The following ENOSF1 variants were observed in gnomAD, a reference collection of about 807,000 sequenced individuals.
The protein encoded by ENOSF1 is enolase superfamily member 1, also known as mitochondrial enolase superfamily member 1.
In ENOSF1, 73 loss-of-function variants were observed where a neutral mutation model predicts 68.2. The observed-to-expected ratio is 1.07, with a 90% CI of 0.89 to 1.30. The LOEUF is 1.30. Ranked by LOEUF, ENOSF1 falls within the 50% of genes most tolerant of loss-of-function variation. The pLI, the probability that ENOSF1 is intolerant of heterozygous loss-of-function variation, is 0.00. For missense variants in ENOSF1, 589 were observed against 554.5 expected (o/e 1.06, Z -0.62); for synonymous variants, 223 against 210.4 (o/e 1.06, Z -0.52).
At chr18:701,515 G>C (rs1309008313) in intron 2 of ENOSF1, among the ~76,000 whole-genome samples, 1 of 152,180 alleles carries the variant, frequency 6.6e-6, no homozygotes, top group African/African-American at 2.4e-5. Context: ...AGCACTTTGG[G>C]AGGTCAAGGC....
intron 9 of ENOSF1, chr18:687,140 T>A (rs1024398503): frequency 6.6e-6 from 1 of 152,226 alleles, no homozygotes; most frequent in East Asian, 1.9e-4. Context: ...AAAGCTCATA[T>A]TATTTCTACT....
chr18:703,523 GA>G (rs2078599707), intron 2 of ENOSF1, among the ~76,000 whole-genome samples: 2 of 152,186 alleles, frequency 1.3e-5, no homozygotes, highest in Admixed American at 6.5e-5. Flanking sequence ...AGAAGAAGCA[GA>G]AACAGCTCAC....
chr18:700,913 A>AAAG (rs2078276147), intron 2 of ENOSF1, among the ~76,000 whole-genome samples: 1 of 148,192 alleles, frequency 6.7e-6, no homozygotes. Flanking sequence ...AAAAAAAAAA[A>AAAG]ACAAGAGAAA....
chr18:699,346 G>A (rs907046608), intron 2 of ENOSF1, among the ~76,000 whole-genome samples: 2 of 151,878 alleles, frequency 1.3e-5, no homozygotes, highest in Admixed American at 6.6e-5. Flanking sequence ...TGTGGTCCCC[G>A]CCTCTCGGGA....
rs924355848 is a variant in ENOSF1 at position 690,489 on chromosome 18, G to A, written c.618+60C>T. The A allele has an allele frequency of 1.7e-5, 27 of 1,592,264 alleles. No individual in the cohort carries two copies. In the African/African-American group the frequency reaches 3.0e-4, roughly 17 times the overall value. On this transcript the variant is annotated intron_variant, in intron 8 of 15. Transcript: ENST00000647584. ...TGAGAGTAGTGGTATGAGGACAGAA[G>A]GAAAAACAGGTTGGTTTCTCCCCAT...
At chr18:689,504 A>C (rs2076942075) in intron 8 of ENOSF1, among the ~76,000 whole-genome samples, 1 of 152,030 alleles carries the variant, frequency 6.6e-6, no homozygotes, top group African/African-American at 2.4e-5. Flanking sequence ...CTGGTTTTGA[A>C]CTTCTGACCT....
Position 673,503 on chromosome 18 carries a change from G to A in ENOSF1, c.*802C>T, listed in dbSNP as rs562692686. 6.0e-5 allele frequency: 12 copies of A among 201,460 alleles called. No homozygotes were observed. The South Asian group carries it at 2.1e-3, about 35-fold the overall frequency. 12.5% of individuals were successfully genotyped at this position (201,460 alleles called of 1,614,324 possible). A position where few individuals can be genotyped will look rare whatever the true frequency, so the allele number is the denominator to read the frequency against. The stretch of plus-strand genomic sequence containing the variant: ...AAAGAAGTGTTCTGCATTCGTCCAC[G>A]CTTTGTTCATTCTGTACTGCCACTT... On this transcript the variant is annotated 3_prime_UTR_variant, in exon 16 of 16. Coordinates refer to ENST00000647584, the MANE Select transcript of ENOSF1 (RefSeq NM_017512.7).
intron 2 of ENOSF1, among the ~76,000 whole-genome samples, chr18:703,272 AC>A (rs1268177209): frequency 6.6e-6 from 1 of 152,054 alleles, no homozygotes; most frequent in African/African-American, 2.4e-5. Context: ...TGAGCTCAGC[AC>A]CCATCCCAGA....
chr18:694,008 AC>A, intron 4 of ENOSF1, 100 bp from the exon 5 acceptor site: 1 of 1,369,120 alleles, frequency 7.3e-7, no homozygotes, highest in Non-Finnish European at 1.0e-6. Context: ...GCTGTCAGCC[AC>A]CAGGTCCCCA....
intron 2 of ENOSF1, among the ~76,000 whole-genome samples, chr18:702,448 A>T (rs771353834): frequency 3.0e-4 from 46 of 151,680 alleles, no homozygotes; most frequent in Non-Finnish European, 5.9e-4. Context: ...GGTGGCACAC[A>T]TCTGTAGTCC....
chr18:674,744 A>C lies in ENOSF1; in HGVS notation c.1231-338T>G, dbSNP rs543163937. ...CATGTTGGCCAGGCTGGTCTCAAACACCTGACCTCAAATGATCCACCTGCC... is the reference window on the plus strand; with the variant it reads ...CATGTTGGCCAGGCTGGTCTCAAACCCCTGACCTCAAATGATCCACCTGCC... On this transcript the variant is annotated intron_variant, in intron 15 of 15. Transcript: ENST00000647584. Among the ~76,000 whole-genome samples, 22 of 152,072 alleles carry C rather than the reference A, an allele frequency of 1.4e-4. No homozygotes were observed. The South Asian group carries it at 4.6e-3, about 32-fold the overall frequency.
chr18:688,451 T>A, intron 9 of ENOSF1, 123 bp downstream of exon 9: 1 of 1,294,906 alleles, frequency 7.7e-7, no homozygotes, highest in South Asian at 1.3e-5. Context: ...TATGCATCCC[T>A]ATGAGCCAGG....
Position 688,696 on chromosome 18 carries a change from A to G in ENOSF1, c.619-88T>C, listed in dbSNP as rs543233966. ...GTCATTGCTGATCTGTTTCACAAGC[A>G]TTACGGTTATAGCATAGACCAGAGT... On this transcript the variant is annotated intron_variant, in intron 8 of 15. Coordinates refer to ENST00000647584, the MANE Select transcript of ENOSF1 (RefSeq NM_017512.7). 1.6e-4 allele frequency: 195 copies of G among 1,199,320 alleles called. 3 individuals carry two copies. The South Asian group carries it at 2.3e-3, about 14-fold the overall frequency. 74.3% of individuals were successfully genotyped at this position (1,199,320 alleles called of 1,614,324 possible). A position where few individuals can be genotyped will look rare whatever the true frequency, so the allele number is the denominator to read the frequency against.
chr18:709,266 C>T (rs1005145836), intron 1 of ENOSF1, among the ~76,000 whole-genome samples: 6 of 151,730 alleles, frequency 4.0e-5, no homozygotes, highest in East Asian at 1.9e-4. Context: ...GTAGGGAGAC[C>T]GGAAAGACAC....
chr18:709,588 T>A (rs1051294249), intron 1 of ENOSF1, among the ~76,000 whole-genome samples: 1 of 152,072 alleles, frequency 6.6e-6, no homozygotes, highest in Non-Finnish European at 1.5e-5. Context: ...CTGGACAACA[T>A]GGTGAAACCC....
chr18:706,322 C>CACCG (rs3831414), intron 2 of ENOSF1, 148 bp downstream of exon 2: 42 of 575,060 alleles, frequency 7.3e-5, no homozygotes, highest in Non-Finnish European at 1.1e-4. Context: ...AACCATGAAA[C>CACCG]TTTTTACTCA....
At chr18:702,322 T>C (rs527922297) in intron 2 of ENOSF1, among the ~76,000 whole-genome samples, 1 of 142,440 alleles carries the variant, frequency 7.0e-6, no homozygotes, top group Non-Finnish European at 1.5e-5. Flanking sequence ...TCTGCAATCC[T>C]ACCACTTTGG....
rs1206870099 is a variant in ENOSF1, at chr18:673,055, C to G, written c.*1250G>C. ...AGTCTTTAGGGGTTGGGCTGGATGC[C>G]GAGGTAAAAGTTCTTTTTGCTCTAA... On this transcript the variant is annotated 3_prime_UTR_variant, in exon 16 of 16. Transcript: ENST00000647584. 4.2e-6 allele frequency: 6 copies of G among 1,435,802 alleles called. No individual in the cohort carries two copies. The East Asian group carries it at 1.4e-4, about 33-fold the overall frequency. 88.9% of individuals were successfully genotyped at this position (1,435,802 alleles called of 1,614,324 possible). A position where few individuals can be genotyped will look rare whatever the true frequency, so the allele number is the denominator to read the frequency against.
rs1007994045 is a variant in ENOSF1 at position 688,565 on chromosome 18, C to A, written c.653+9G>T. 6.2e-7 allele frequency: 1 copy of A among 1,614,080 alleles called. No individual in the cohort carries two copies. The stretch of plus-strand genomic sequence containing the variant: ...CAACTGGGAAAGTCAGGTCCATCAT[C>A]ACACTCACCTGGTCCAGCCATCCTT... On this transcript the variant is annotated intron_variant, in intron 9 of 15. Coordinates refer to ENST00000647584, the MANE Select transcript of ENOSF1 (RefSeq NM_017512.7).
Sources: allele counts gnomAD v4.1 joint callset (sites outside exome capture counted in the v4.1 genomes callset), GRCh38; gene constraint gnomAD v4.1.1; transcripts MANE v1.5; gene names NCBI Gene and HGNC (gene_info 2026-07-23, HGNC 2026-07-21).